The following DCC variants were observed in gnomAD, a reference collection of about 807,000 sequenced individuals.
DCC encodes DCC netrin 1 receptor.
Under a neutral mutation model 172.5 loss-of-function variants are expected in DCC, and 58 were observed. That is an observed-to-expected ratio of 0.34 (90% confidence interval 0.27 to 0.42). The LOEUF is 0.42. DCC is among the 10% of genes least tolerant of loss of function. DCC has a pLI of 1.00. For missense variants in DCC, 1,740 were observed against 1,791.0 expected (o/e 0.97, Z 0.51); for synonymous variants, 709 against 644.5 (o/e 1.10, Z -1.52).
At chr18:52,831,560 A>G (rs966281682) in intron 2 of DCC, among the ~76,000 whole-genome samples, 2 of 152,146 alleles carry the variant, frequency 1.3e-5, no homozygotes, top group African/African-American at 4.8e-5. Context: ...AGCTGAATCA[A>G]ACAGAATTTG....
intron 15 of DCC, among the ~76,000 whole-genome samples, chr18:53,368,079 T>A (rs1782969187): frequency 6.6e-6 from 1 of 152,190 alleles, no homozygotes; most frequent in African/African-American, 2.4e-5. Context: ...TCTACAACCC[T>A]GCCAACACTT....
chr18:53,164,034 C>T (rs1055346382), intron 8 of DCC, among the ~76,000 whole-genome samples: 2 of 152,174 alleles, frequency 1.3e-5, no homozygotes, highest in East Asian at 3.8e-4. Flanking sequence ...GAATTTCGTG[C>T]AGACCATAGT....
chr18:52,545,129 G>A (rs531759168), intron 1 of DCC, among the ~76,000 whole-genome samples: 28 of 152,180 alleles, frequency 1.8e-4, no homozygotes, highest in South Asian at 6.2e-4. Context: ...AGCATGGACC[G>A]CTCTCATTCT....
intron 1 of DCC, among the ~76,000 whole-genome samples, chr18:52,345,661 T>C (rs1273705308): frequency 6.6e-6 from 1 of 152,240 alleles, no homozygotes; most frequent in Non-Finnish European, 1.5e-5. Context: ...CAAGAAAGCC[T>C]TTCTCACTCT....
At chr18:52,601,130 G>A (rs746132821) in intron 1 of DCC, among the ~76,000 whole-genome samples, 6 of 152,034 alleles carry the variant, frequency 3.9e-5, no homozygotes, top group Non-Finnish European at 7.4e-5. Flanking sequence ...GTTTTCTAAG[G>A]AGGTAGACAT....
intron 24 of DCC, among the ~76,000 whole-genome samples, chr18:53,461,168 A>T (rs1276345731): frequency 6.6e-6 from 1 of 152,108 alleles, no homozygotes; most frequent in South Asian, 2.1e-4. Context: ...TTCATTGTAG[A>T]TTCTGGATAT....
chr18:53,124,170 G>A (rs1264709009), intron 7 of DCC, among the ~76,000 whole-genome samples: 2 of 151,836 alleles, frequency 1.3e-5, no homozygotes, highest in Admixed American at 6.6e-5. Flanking sequence ...ATTGCTTTCT[G>A]TTGTGTTTTC....
intron 12 of DCC, among the ~76,000 whole-genome samples, chr18:53,260,242 G>T (rs1395440675): frequency 1.3e-5 from 2 of 152,132 alleles, no homozygotes; most frequent in Non-Finnish European, 2.9e-5. Flanking sequence ...TTGGTTGCTG[G>T]TGAGGAGCTG....
At chr18:53,395,023 G>A (rs574580149) in intron 17 of DCC, among the ~76,000 whole-genome samples, 3 of 151,778 alleles carry the variant, frequency 2.0e-5, no homozygotes, top group South Asian at 4.2e-4. Flanking sequence ...GGGGCGGGGC[G>A]CCTGTAATCC....
intron 18 of DCC, among the ~76,000 whole-genome samples, chr18:53,398,125 T>A (rs1360849639): frequency 1.3e-5 from 2 of 152,138 alleles, no homozygotes; most frequent in Non-Finnish European, 2.9e-5. Flanking sequence ...TTCTGAAGAA[T>A]CCAGGGCTTA....
chr18:52,683,205 C>A (rs1489026483), intron 1 of DCC, among the ~76,000 whole-genome samples: 1 of 152,032 alleles, frequency 6.6e-6, no homozygotes, highest in Non-Finnish European at 1.5e-5. Context: ...CTGCTTTATG[C>A]CTTCTCTATG....
chr18:53,380,499 C>T (rs72929453), intron 15 of DCC, among the ~76,000 whole-genome samples: 16,360 of 152,118 alleles, frequency 0.11, 923 homozygotes, highest in East Asian at 0.21. Context: ...CAAACTTTAT[C>T]AGGACCGGAA....
intron 5 of DCC, among the ~76,000 whole-genome samples, chr18:53,038,416 C>G (rs1255133378): frequency 2.0e-5 from 3 of 151,954 alleles, no homozygotes; most frequent in Non-Finnish European, 4.4e-5. Context: ...CTAATCTAAA[C>G]CTACTTACCT....
chr18:52,851,655 G>A (rs2038976944), intron 2 of DCC, among the ~76,000 whole-genome samples: 1 of 152,066 alleles, frequency 6.6e-6, no homozygotes, highest in Non-Finnish European at 1.5e-5. Context: ...GTTTAAGAAG[G>A]AGCCTGAAAT....
intron 2 of DCC, among the ~76,000 whole-genome samples, chr18:52,828,651 T>C (rs1255148682): frequency 2.0e-5 from 3 of 152,152 alleles, no homozygotes; most frequent in Admixed American, 2.0e-4. Flanking sequence ...AGAAGACTCA[T>C]TTCTGAAACT....
intron 1 of DCC, among the ~76,000 whole-genome samples, chr18:52,656,627 G>A (rs771460195): frequency 1.3e-5 from 2 of 152,156 alleles, no homozygotes; most frequent in African/African-American, 4.8e-5. Context: ...GCTCTAACTT[G>A]GCCAACAGTG....
In DCC at chr18:53,526,710, C is replaced by A; in HGVS notation, c.4205C>A (p.Ala1402Asp). The change falls in exon 28 of 29, where the codon GCC becomes GAC. Residue 1402 changes from alanine (A) to aspartate (D), a missense_variant. This residue lies in a region of DCC where 1,732 missense variants were observed against 1,767.4 expected (regional missense o/e 0.98). Transcript: ENST00000442544. ...SPLLPVSVPT[A>D]PEVSEESHKP... Reference sequence around the variant, plus strand: ...TTGCTTCCTGTGTCTGTGCCAACAGCCCCTGAAGTGTCTGAGGAGAGCCAC... The same window carrying A: ...TTGCTTCCTGTGTCTGTGCCAACAGACCCTGAAGTGTCTGAGGAGAGCCAC... 6.2e-7 allele frequency: 1 copy of A among 1,613,554 alleles called. No homozygotes were observed. Among genetic ancestry groups the A allele is most frequent in the East Asian group, 2.2e-5 (1 of 44,844 alleles).
At chr18:52,572,510 CG>C (rs2033322826) in intron 1 of DCC, among the ~76,000 whole-genome samples, 1 of 152,146 alleles carries the variant, frequency 6.6e-6, no homozygotes, top group East Asian at 1.9e-4. Flanking sequence ...ACACAGACTC[CG>C]GGGACATAGT....
At chr18:53,259,306 T>C (rs4316822) in intron 12 of DCC, among the ~76,000 whole-genome samples, 131,306 of 152,192 alleles carry the variant, frequency 0.86, 56,924 homozygotes, top group Admixed American at 0.91. Context: ...TTCCTAACCT[T>C]GATGGTCTTT....
Sources: allele counts gnomAD v4.1 joint callset (sites outside exome capture counted in the v4.1 genomes callset), GRCh38; gene constraint gnomAD v4.1.1; regional missense constraint gnomAD v4.1.1; transcripts MANE v1.5; gene names NCBI Gene and HGNC (gene_info 2026-07-23, HGNC 2026-07-21).